LAMA3: variants seen among roughly 807,000 people sequenced by gnomAD.
LAMA3 encodes laminin subunit alpha 3.
LAMA3 carries 281 observed loss-of-function variants against 402.0 expected under a neutral mutation model. The observed-to-expected ratio is 0.70, with a 90% confidence interval of 0.63 to 0.77. The LOEUF (loss-of-function observed/expected upper bound fraction) is 0.77, where lower values mean the gene tolerates loss of function less well. Among genes scored for constraint, LAMA3 ranks in the 30% least tolerant of loss-of-function variants. The pLI is 0.00. For missense variants in LAMA3, 3,840 were observed against 4,215.5 expected, an observed-to-expected ratio of 0.91 and a Z score of 2.47; for synonymous variants, 1,431 against 1,558.4, an observed-to-expected ratio of 0.92 and a Z score of 1.93.
intron 22 of LAMA3, 41 bp from the exon 23 acceptor site, chr18:23,827,273 A>C: frequency 6.2e-7 from 1 of 1,607,596 alleles, no homozygotes; most frequent in Non-Finnish European, 8.5e-7. Flanking sequence ...TGATGTTCTC[A>C]GTTGTAACTA....
At chr18:23,731,488 A>G (rs1456606022) in intron 2 of LAMA3, among the ~76,000 whole-genome samples, 1 of 152,220 alleles carries the variant, frequency 6.6e-6, no homozygotes, top group African/African-American at 2.4e-5. Context: ...TGTGGCAGAT[A>G]GACCTGCACA....
intron 2 of LAMA3, among the ~76,000 whole-genome samples, chr18:23,727,315 T>C (rs2061316531): frequency 6.6e-6 from 1 of 151,756 alleles, no homozygotes; most frequent in Admixed American, 6.6e-5. Context: ...GTTTGATTGA[T>C]TGATTGATTG....
chr18:23,771,657 G>A (rs1200721097), intron 8 of LAMA3, among the ~76,000 whole-genome samples: 1 of 152,206 alleles, frequency 6.6e-6, no homozygotes, highest in Non-Finnish European at 1.5e-5. Flanking sequence ...GTGACTGATA[G>A]CTGCAATTTA....
chr18:23,719,005 T>G (rs1314310855), intron 2 of LAMA3, among the ~76,000 whole-genome samples: 3 of 152,260 alleles, frequency 2.0e-5, no homozygotes, highest in East Asian at 1.9e-4. Context: ...TTCCTCAGAG[T>G]GTCCCTGGTA....
intron 34 of LAMA3, among the ~76,000 whole-genome samples, chr18:23,861,041 T>C (rs2064206836): frequency 6.6e-6 from 1 of 152,186 alleles, no homozygotes; most frequent in African/African-American, 2.4e-5. Context: ...TCATATCTTT[T>C]ACTGCCTGTC....
intron 1 of LAMA3, among the ~76,000 whole-genome samples, chr18:23,703,314 G>T (rs190012019): frequency 6.6e-6 from 1 of 152,282 alleles, no homozygotes; most frequent in East Asian, 1.9e-4. Context: ...AAACCACTGC[G>T]TAAGATAGGC....
chr18:23,747,172 C>G (rs1312871112), intron 2 of LAMA3, among the ~76,000 whole-genome samples: 1 of 151,990 alleles, frequency 6.6e-6, no homozygotes, highest in Admixed American at 6.6e-5. Flanking sequence ...CAATGTCGTA[C>G]CAGGCTCTTT....
rs529483768 is a variant in LAMA3 at position 23,923,958 on chromosome 18, C to T, written c.8177+2373C>T. Among the ~76,000 whole-genome samples, 3 of 152,328 alleles carry T rather than the reference C, an allele frequency of 2.0e-5. No homozygotes were observed. In the South Asian group the frequency reaches 6.2e-4, roughly 32 times the overall value. The stretch of plus-strand genomic sequence containing the variant: ...AGCACTCAACCTTTATTTGCCTTTT[C>T]ATCTCCATCCATTAAAGAAATATAT... On this transcript the variant is annotated intron_variant, in intron 62 of 74. Coordinates refer to ENST00000313654, the MANE Select transcript of LAMA3 (RefSeq NM_198129.4).
intron 67 of LAMA3, among the ~76,000 whole-genome samples, chr18:23,934,586 C>G (rs1184389282): frequency 6.6e-6 from 1 of 152,214 alleles, no homozygotes; most frequent in Non-Finnish European, 1.5e-5. Flanking sequence ...TCAAGGTCAA[C>G]AATGTAACTT....
chr18:23,800,539 A>G (rs2144182612), intron 12 of LAMA3, among the ~76,000 whole-genome samples: 1 of 152,338 alleles, frequency 6.6e-6, no homozygotes, highest in East Asian at 1.9e-4. Flanking sequence ...TTTTGTGAAC[A>G]TTCAAAATCC....
intron 12 of LAMA3, among the ~76,000 whole-genome samples, chr18:23,808,309 A>C (rs759928698): frequency 6.6e-6 from 1 of 152,192 alleles, no homozygotes. Flanking sequence ...TATAATACAT[A>C]ATATAATGTA....
intron 64 of LAMA3, among the ~76,000 whole-genome samples, chr18:23,930,724 A>T (rs1264778536): frequency 2.6e-5 from 4 of 151,994 alleles, no homozygotes; most frequent in Non-Finnish European, 5.9e-5. Flanking sequence ...ACTCTGTCTC[A>T]AATAATAATA....
At chr18:23,921,076 A>C in intron 61 of LAMA3, 22 bp downstream of exon 61, 1 of 1,613,340 alleles carries the variant, frequency 6.2e-7, no homozygotes, top group Non-Finnish European at 8.5e-7. Context: ...GAGTCTGTTT[A>C]CTTGAATCGT....
intron 10 of LAMA3, 89 bp downstream of exon 10, chr18:23,776,012 G>A: frequency 7.1e-7 from 1 of 1,406,250 alleles, no homozygotes; most frequent in East Asian, 2.3e-5. Flanking sequence ...TGGACAGGTA[G>A]GGAAGGAGAG....
At chr18:23,733,421 A>G (rs1217786140) in intron 2 of LAMA3, among the ~76,000 whole-genome samples, 1 of 152,140 alleles carries the variant, frequency 6.6e-6, no homozygotes, top group African/African-American at 2.4e-5. Context: ...CAGAGAAGAG[A>G]GAATGAGAAC....
intron 32 of LAMA3, among the ~76,000 whole-genome samples, chr18:23,851,150 A>C (rs1470187707): frequency 6.6e-6 from 1 of 152,202 alleles, no homozygotes; most frequent in African/African-American, 2.4e-5. Context: ...AATTTCTTTG[A>C]TGCACTTCAT....
intron 29 of LAMA3, among the ~76,000 whole-genome samples, chr18:23,844,112 A>T (rs1202044654): frequency 2.6e-5 from 4 of 152,234 alleles, no homozygotes; most frequent in Non-Finnish European, 5.9e-5. Flanking sequence ...TTGTGCCTGG[A>T]ATACCACCTG....
At chr18:23,810,963 G>A (rs1435824874) in intron 13 of LAMA3, among the ~76,000 whole-genome samples, 2 of 152,148 alleles carry the variant, frequency 1.3e-5, no homozygotes, top group African/African-American at 4.8e-5. Flanking sequence ...CCTTTGCTGT[G>A]TTTCGGGCCT....
intron 67 of LAMA3, among the ~76,000 whole-genome samples, chr18:23,935,579 C>T (rs1456255489): frequency 1.3e-5 from 2 of 152,090 alleles, no homozygotes; most frequent in Non-Finnish European, 2.9e-5. Context: ...GGTTTGCATC[C>T]GGCTTTACCA....
Sources: gnomAD v4.1 joint callset for allele counts (sites outside exome capture counted in the v4.1 genomes callset) on GRCh38, gnomAD v4.1.1 for gene constraint, MANE v1.5 for transcripts, NCBI Gene and HGNC (gene_info 2026-07-23, HGNC 2026-07-21) for gene names.